Variants in ZNF738 observed in about 807,000 individuals in gnomAD.
The protein encoded by ZNF738 is protein ZNF738.
A neutral mutation model predicts 9.2 loss-of-function variants in ZNF738; 10 were observed. The observed-to-expected ratio is 1.09, with a 90% confidence interval of 0.67 to 1.85. ZNF738 has a LOEUF of 1.85. ZNF738 is among the 40% of genes most tolerant of loss of function. ZNF738 has a pLI of 0.00. For synonymous variants in ZNF738, 113 were observed against 94.5 expected (o/e 1.20, Z -1.14); for missense variants, 346 against 283.6 (o/e 1.22, Z -1.58).
intron 2 of ZNF738, among the ~76,000 whole-genome samples, chr19:21,366,041 T>C (rs1434914525): frequency 6.6e-6 from 1 of 152,134 alleles, no homozygotes. Context: ...TTTTACAAGT[T>C]CAGGCAGCCG....
Position 21,374,991 on chromosome 19 carries a change from C to T in ZNF738, c.97-247C>T, listed in dbSNP as rs186742342. On this transcript the variant is annotated intron_variant, in intron 2 of 4. Coordinates refer to ENST00000683779, the MANE Select transcript of ZNF738 (RefSeq NM_001355237.2). ...TATACATGTTTGTGTTCATGCCTTTCGTTTTTATACTTTATTGTTCATAAA... is the reference window on the plus strand; with the variant it reads ...TATACATGTTTGTGTTCATGCCTTTTGTTTTTATACTTTATTGTTCATAAA... 4.1e-3 allele frequency among the ~76,000 whole-genome samples: 621 copies of T among 152,116 alleles called. 4 individuals carry two copies. Among genetic ancestry groups the T allele is most frequent in the South Asian group, 0.015 (71 of 4,820 alleles).
At chr19:21,377,773 T>G (rs1315965003) in intron 4 of ZNF738, 7 of 356,872 alleles carry the variant, frequency 2.0e-5, no homozygotes, top group Non-Finnish European at 3.5e-5. Flanking sequence ...AGCTGACCCT[T>G]GTAGAAAGGC....
chr19:21,370,994 A>G (rs775603369), intron 2 of ZNF738, among the ~76,000 whole-genome samples: 28 of 152,336 alleles, frequency 1.8e-4, no homozygotes, highest in Admixed American at 2.6e-4. Context: ...AATCTTGTTC[A>G]GTGACCTGCT....
At position 21,384,558 on chromosome 19, in the gene ZNF738, A is replaced by G. The variant is rs1827225; in HGVS notation, c.*884A>G. On this transcript the variant is annotated 3_prime_UTR_variant, in exon 5 of 5. Transcript: ENST00000683779. ...TTCCTCACAAATTACTAGACATAAG[A>G]TAATTCATACTGGAGAGAAACCCTA... Among the ~76,000 whole-genome samples, 52,004 of 151,480 alleles carry G rather than the reference A, an allele frequency of 0.34. 9,817 individuals carry two copies. The highest frequency in any genetic ancestry group is 0.44 in the Non-Finnish European group (29,781 of 67,620).
chr19:21,381,509 T>A, intron 4 of ZNF738: 1 of 941,812 alleles, frequency 1.1e-6, no homozygotes, highest in Non-Finnish European at 1.7e-6. Context: ...TTCTTTTTTT[T>A]TCGAGATGGA....
intron 4 of ZNF738, chr19:21,377,702 T>A (rs1331871388): frequency 2.6e-6 from 1 of 381,208 alleles, no homozygotes; most frequent in Admixed American, 4.5e-5. Flanking sequence ...TTGGTTAATA[T>A]TTGCATGCAA....
Position 21,375,367 on chromosome 19 carries a change from G to A in ZNF738, c.223+3G>A, listed in dbSNP as rs2358993. ...CTTCAGAAACCTGGTGTTCTTGGGT[G>A]AGAATAACTTTAATACACAATTCCT... On this transcript the variant is annotated splice_donor_region_variant and intron_variant, in intron 3 of 4. Coordinates refer to ENST00000683779, the MANE Select transcript of ZNF738 (RefSeq NM_001355237.2). 0.16 allele frequency: 128,401 copies of A among 811,096 alleles called. 12,142 individuals are homozygous for A. The highest frequency in any genetic ancestry group is 0.2 in the Non-Finnish European group (92,453 of 468,470). The allele number at this position is 811,096 out of a possible 1,614,324, so 50.2% of individuals were successfully genotyped here.
At chr19:21,375,140 A>C in intron 2 of ZNF738, 98 bp from the exon 3 acceptor site, 1 of 659,700 alleles carries the variant, frequency 1.5e-6, no homozygotes, top group Non-Finnish European at 2.5e-6. Context: ...CCTGTAAGTC[A>C]GAACCAATTT....
intron 1 of ZNF738, among the ~76,000 whole-genome samples, chr19:21,360,211 G>A (rs1395645374): frequency 1.3e-5 from 2 of 152,156 alleles, no homozygotes; most frequent in East Asian, 3.9e-4. Context: ...GGAACCCAGG[G>A]ACTAGAGAAA....
At chr19:21,381,594 C>T (rs527607069) in intron 4 of ZNF738, 62 of 560,128 alleles carry the variant, frequency 1.1e-4, no homozygotes, top group East Asian at 2.5e-4. Context: ...CCCGGGTTCA[C>T]GCCATACTCC....
chr19:21,370,203 T>G (rs1470486066), intron 2 of ZNF738, among the ~76,000 whole-genome samples: 1 of 152,260 alleles, frequency 6.6e-6, no homozygotes, highest in Non-Finnish European at 1.5e-5. Flanking sequence ...ATTAATTGTA[T>G]GTTGAACCAA....
At chr19:21,372,469 T>G (rs1973868996) in intron 2 of ZNF738, 3 of 152,186 alleles carry the variant, frequency 2.0e-5, no homozygotes, top group African/African-American at 7.2e-5. Flanking sequence ...TTTCTAGAGC[T>G]GCTGCTCACA....
rs957163766 is a variant in ZNF738, at chr19:21,364,568, C to A, written c.96+2710C>A. Among the ~76,000 whole-genome samples, 38 of 151,830 alleles carry A rather than the reference C, an allele frequency of 2.5e-4. 1 individual carries two copies. Among genetic ancestry groups the A allele is most frequent in the Non-Finnish European group, 2.4e-4 (16 of 67,994 alleles). The stretch of plus-strand genomic sequence containing the variant: ...GCCAAGTTTTTACCAAAAAAGGGTC[C>A]CAATCCAAACCCCAAGAGAGGGTCC... On this transcript the variant is annotated intron_variant, in intron 2 of 4. Coordinates refer to ENST00000683779, the MANE Select transcript of ZNF738 (RefSeq NM_001355237.2).
In ZNF738 at chr19:21,384,031, T is replaced by G. The variant is rs1974037909; in HGVS notation, c.*357T>G. 12 of 1,535,596 alleles carry G rather than the reference T, an allele frequency of 7.8e-6. No individual in the cohort carries two copies. The highest frequency in any genetic ancestry group is 1.1e-5 in the Non-Finnish European group (12 of 1,114,050). On this transcript the variant is annotated 3_prime_UTR_variant, in exon 5 of 5. Coordinates refer to ENST00000683779, the MANE Select transcript of ZNF738 (RefSeq NM_001355237.2). The stretch of plus-strand genomic sequence containing the variant: ...GAATGTGGCAAAGCTTTCTACCGAT[T>G]CATTTACCTTACTACACATAAGAGA...
Position 21,381,470 on chromosome 19 carries a change from C to T in ZNF738, c.320-1396C>T, listed in dbSNP as rs1974003360. On this transcript the variant is annotated intron_variant, in intron 4 of 4. Coordinates refer to ENST00000683779, the MANE Select transcript of ZNF738 (RefSeq NM_001355237.2). Reference sequence around the variant, plus strand: ...CCTGGTTTGGACACCAACTTTTACACCTACAAGCTCAGGCTTACCTTTTTC... The same window carrying T: ...CCTGGTTTGGACACCAACTTTTACATCTACAAGCTCAGGCTTACCTTTTTC... The T allele has an allele frequency of 5.0e-6, 6 of 1,206,340 alleles. No individual in the cohort carries two copies. The Admixed American group carries it at 1.1e-4, about 22-fold the overall frequency. 74.7% of individuals were successfully genotyped at this position (1,206,340 alleles called of 1,614,324 possible).
chr19:21,375,605 G>T (rs1358811596), intron 3 of ZNF738, among the ~76,000 whole-genome samples: 1 of 152,122 alleles, frequency 6.6e-6, no homozygotes, highest in Non-Finnish European at 1.5e-5. Flanking sequence ...GGTAATCTCA[G>T]AAATTTAGTA....
rs1452090505 is a variant in ZNF738, at chr19:21,385,292, T to C, written c.*1618T>C. Among the ~76,000 whole-genome samples, 1 of 152,058 alleles carries C rather than the reference T, an allele frequency of 6.6e-6. No homozygotes were observed. The highest frequency in any genetic ancestry group is 2.4e-5 in the African/African-American group (1 of 41,386). On this transcript the variant is annotated 3_prime_UTR_variant, in exon 5 of 5. Coordinates refer to ENST00000683779, the MANE Select transcript of ZNF738 (RefSeq NM_001355237.2). ...CCATATGGTGAAACCCCATCTCTAC[T>C]AAAAATATAAAAAATTAGCCAGGTG...
Position 21,386,552 on chromosome 19 carries a change from G to T in ZNF738, c.*2878G>T. The T allele has an allele frequency of 5.7e-6, 2 of 350,500 alleles. No individual in the cohort carries two copies. Among genetic ancestry groups the T allele is most frequent in the South Asian group, 5.7e-5 (2 of 35,160 alleles). The allele number at this position is 350,500 out of a possible 1,614,324, so 21.7% of individuals were successfully genotyped here. Reference sequence around the variant, plus strand: ...TTTAACCAGTCCTACAAACCTTTTTGAACAAAATAATTCATACAGGAGAGA... The same window carrying T: ...TTTAACCAGTCCTACAAACCTTTTTTAACAAAATAATTCATACAGGAGAGA... On this transcript the variant is annotated 3_prime_UTR_variant, in exon 5 of 5. Coordinates refer to ENST00000683779, the MANE Select transcript of ZNF738 (RefSeq NM_001355237.2).
Position 21,383,904 on chromosome 19 carries a change from A to C in ZNF738, c.*230A>C. 7.0e-7 allele frequency: 1 copy of C among 1,436,794 alleles called. No individual in the cohort carries two copies. The highest frequency in any genetic ancestry group is 1.1e-5 in the South Asian group (1 of 87,310). The allele number at this position is 1,436,794 out of a possible 1,614,324, so 89.0% of individuals were successfully genotyped here. ...ACATAAGATAATTCATACTGGAGAG[A>C]AACCCTACAAATGTGAAGAATGTGG... On this transcript the variant is annotated 3_prime_UTR_variant, in exon 5 of 5. Coordinates refer to ENST00000683779, the MANE Select transcript of ZNF738 (RefSeq NM_001355237.2).
Sources: allele counts gnomAD v4.1 joint callset (sites outside exome capture counted in the v4.1 genomes callset), GRCh38; gene constraint gnomAD v4.1.1; transcripts MANE v1.5; gene names NCBI Gene and HGNC (gene_info 2026-07-23, HGNC 2026-07-21).